The following HMCN1 variants were observed in gnomAD, a reference collection of about 807,000 sequenced individuals.
HMCN1 encodes the protein hemicentin 1.
Under a neutral mutation model 625.9 loss-of-function variants are expected in HMCN1, and 321 were observed. The ratio of observed to expected loss-of-function variants is 0.51; its 90% CI spans 0.47 to 0.56. The LOEUF is 0.56. HMCN1 is among the 20% of genes least tolerant of loss of function. HMCN1 has a pLI of 0.00. For missense variants in HMCN1, 6,588 were observed against 6,887.3 expected, an observed-to-expected ratio of 0.96 and a Z score of 1.54; for synonymous variants, 2,425 against 2,417.6, an observed-to-expected ratio of 1.00 and a Z score of -0.09.
chr1:185,958,613 T>C (rs1649790150), intron 11 of HMCN1, among the ~76,000 whole-genome samples: 1 of 152,214 alleles, frequency 6.6e-6, no homozygotes, highest in Admixed American at 6.5e-5. Context: ...TCGTGCCTAC[T>C]ACATGCCAGG....
intron 1 of HMCN1, among the ~76,000 whole-genome samples, chr1:185,776,316 T>C (rs1656600447): frequency 6.6e-6 from 1 of 152,146 alleles, no homozygotes. Context: ...TTAGGGACCA[T>C]ATGCTATCTT....
intron 1 of HMCN1, among the ~76,000 whole-genome samples, chr1:185,800,102 C>A (rs114528428): frequency 6.6e-6 from 1 of 152,298 alleles, no homozygotes; most frequent in East Asian, 1.9e-4. Flanking sequence ...GAAAGAGGGG[C>A]GGCCCAGGCT....
rs571302458 is a variant in HMCN1, at chr1:185,848,738, C to G, written c.339+2642C>G. On this transcript the variant is annotated intron_variant, in intron 2 of 106. Transcript: ENST00000271588. Reference sequence around the variant, plus strand: ...AATGATGTTATAGTATTCTGGTTACCCAGCCAAATATCTGGATACTTCCTT... The same window carrying G: ...AATGATGTTATAGTATTCTGGTTACGCAGCCAAATATCTGGATACTTCCTT... 6.2e-4 allele frequency among the ~76,000 whole-genome samples: 94 copies of G among 152,166 alleles called. 3 individuals are homozygous for G. In the South Asian group the frequency reaches 0.014, roughly 23 times the overall value.
intron 6 of HMCN1, among the ~76,000 whole-genome samples, chr1:185,912,348 A>G (rs1199841345): frequency 6.6e-6 from 1 of 151,888 alleles, no homozygotes; most frequent in Non-Finnish European, 1.5e-5. Flanking sequence ...GCTTTTTTTT[A>G]TTTGGTGGAT....
At position 185,970,500 on chromosome 1, in the gene HMCN1, C is replaced by T. The variant is rs1650738735; in HGVS notation, c.2371+7C>T. ...ATAACTCTGGATGTTGGCTGTAAGC[C>T]TCCAGATCTTATAGGCCAATTTGTT... is the stretch of plus-strand genomic sequence containing the variant. On this transcript the variant is annotated splice_region_variant and intron_variant, in intron 15 of 106. Coordinates refer to ENST00000271588, the MANE Select transcript of HMCN1 (RefSeq NM_031935.3). 2.5e-6 allele frequency: 4 copies of T among 1,610,818 alleles called. No individual in the cohort carries two copies. The highest frequency in any genetic ancestry group is 1.1e-5 in the South Asian group (1 of 91,032).
rs961268363 is a variant in HMCN1, at chr1:186,137,826, G to A, written c.13778G>A (p.Ser4593Asn). 2.0e-5 allele frequency: 32 copies of A among 1,613,980 alleles called. No individual in the cohort carries two copies. Among genetic ancestry groups the A allele is most frequent in the Non-Finnish European group, 2.6e-5 (31 of 1,179,978 alleles). Reference sequence around the variant, plus strand: ...GTGGATGGTAGCTGGTCGGAATGGAGTCTTTGGGAAGAATGCACAAGGAGC... The same window carrying A: ...GTGGATGGTAGCTGGTCGGAATGGAATCTTTGGGAAGAATGCACAAGGAGC... ...CPVDGSWSEW[S>N]LWEECTRSCG... Residue 4593 changes from serine (S) to asparagine (N), a missense_variant, in exon 89 of 107, where the codon AGT becomes AAT. Physicochemically the swap from Ser to Asn is conservative, Grantham distance 46 (BLOSUM62 1). This residue lies in a region of HMCN1 where 1,954 missense variants were observed against 2,013.1 expected (regional missense o/e 0.97). Coordinates refer to ENST00000271588, the MANE Select transcript of HMCN1 (RefSeq NM_031935.3).
intron 89 of HMCN1, among the ~76,000 whole-genome samples, chr1:186,138,512 T>G (rs2102538630): frequency 6.6e-6 from 1 of 152,320 alleles, no homozygotes; most frequent in Admixed American, 6.5e-5. Flanking sequence ...GTAGAAAATT[T>G]TCAGGTATAA....
chr1:185,805,631 C>T (rs1053970627), intron 1 of HMCN1, among the ~76,000 whole-genome samples: 2 of 152,072 alleles, frequency 1.3e-5, no homozygotes, highest in African/African-American at 4.8e-5. Context: ...ACATTTTAAC[C>T]ATGTGATCTT....
chr1:185,857,487 G>A (rs1662543188), intron 2 of HMCN1, among the ~76,000 whole-genome samples: 1 of 151,844 alleles, frequency 6.6e-6, no homozygotes, highest in East Asian at 1.9e-4. Flanking sequence ...GTGTGTGTGT[G>A]TGCATGTTTC....
chr1:186,059,888 G>A (rs1010644626), intron 46 of HMCN1, among the ~76,000 whole-genome samples: 6 of 152,116 alleles, frequency 3.9e-5, no homozygotes, highest in Admixed American at 3.3e-4. Context: ...AAGGAGAATC[G>A]TGAAACTTAT....
At chr1:185,979,293 A>C (rs537533425) in intron 16 of HMCN1, among the ~76,000 whole-genome samples, 1 of 152,304 alleles carries the variant, frequency 6.6e-6, no homozygotes, top group East Asian at 1.9e-4. Flanking sequence ...GAAAAGGTAC[A>C]TGAAAGTACT....
At chr1:186,102,080 A>G (rs1660407773) in intron 68 of HMCN1, among the ~76,000 whole-genome samples, 2 of 152,120 alleles carry the variant, frequency 1.3e-5, no homozygotes, top group African/African-American at 4.8e-5. Flanking sequence ...TTAAATAATG[A>G]CAAAGATAGA....
intron 1 of HMCN1, among the ~76,000 whole-genome samples, chr1:185,809,337 G>A (rs970114670): frequency 6.6e-6 from 1 of 151,800 alleles, no homozygotes; most frequent in African/African-American, 2.4e-5. Context: ...AATAAAATAT[G>A]TTTTCTTTGT....
chr1:186,146,393 G>A (rs374187361), intron 93 of HMCN1, among the ~76,000 whole-genome samples: 1 of 152,180 alleles, frequency 6.6e-6, no homozygotes, highest in Non-Finnish European at 1.5e-5. Flanking sequence ...TCTAGCAAGT[G>A]ATGTAAAAAT....
intron 1 of HMCN1, among the ~76,000 whole-genome samples, chr1:185,829,472 A>G (rs185566562): frequency 1.5e-3 from 227 of 151,964 alleles, no homozygotes; most frequent in South Asian, 2.7e-3. Flanking sequence ...TTTGTTCTCA[A>G]TGTTCAACTC....
At position 186,067,330 on chromosome 1, in the gene HMCN1, C is replaced by T. The variant is rs550120303; in HGVS notation, c.7706-504C>T. The stretch of plus-strand genomic sequence containing the variant: ...GCTATCCTTGCTTCCAATATTGATC[C>T]ACTTGAGTTCATCCTCCCGATATAC... On this transcript the variant is annotated intron_variant, in intron 49 of 106. Coordinates refer to ENST00000271588, the MANE Select transcript of HMCN1 (RefSeq NM_031935.3). 9.3e-4 allele frequency among the ~76,000 whole-genome samples: 142 copies of T among 152,198 alleles called. 1 individual carries two copies. The highest frequency in any genetic ancestry group is 3.4e-3 in the African/African-American group (140 of 41,522).
At chr1:185,952,361 G>A (rs909098526) in intron 11 of HMCN1, among the ~76,000 whole-genome samples, 79 of 151,238 alleles carry the variant, frequency 5.2e-4, no homozygotes, top group Admixed American at 8.6e-4. Flanking sequence ...GCAGCCTGGG[G>A]AGGAAGGGAG....
At chr1:185,858,324 T>C (rs1336240734) in intron 2 of HMCN1, among the ~76,000 whole-genome samples, 2 of 152,176 alleles carry the variant, frequency 1.3e-5, no homozygotes, top group African/African-American at 2.4e-5. Context: ...AGTTGTAAGT[T>C]CTTCCATCAT....
chr1:186,127,540 G>A (rs1558243739), intron 82 of HMCN1, among the ~76,000 whole-genome samples: 1 of 152,112 alleles, frequency 6.6e-6, no homozygotes, highest in Non-Finnish European at 1.5e-5. Flanking sequence ...TGGAAACCAT[G>A]TAAAGGTGGT....
Sources: allele counts gnomAD v4.1 joint callset (sites outside exome capture counted in the v4.1 genomes callset), GRCh38; gene constraint gnomAD v4.1.1; regional missense constraint gnomAD v4.1.1; transcripts MANE v1.5; gene names NCBI Gene and HGNC (gene_info 2026-07-23, HGNC 2026-07-21).